Variants in SCFD2 observed in about 807,000 individuals in gnomAD.
SCFD2 encodes sec1 family domain containing 2, also known as sec1 family domain-containing protein 2.
SCFD2 carries 54 observed loss-of-function variants against 58.9 expected under a neutral mutation model. The observed-to-expected ratio is 0.92, with a 90% CI of 0.74 to 1.15. The LOEUF (loss-of-function observed/expected upper bound fraction) is 1.15, where lower values mean the gene tolerates loss of function less well. SCFD2 is among the 50% of genes most tolerant of loss of function. The pLI, the probability that SCFD2 is intolerant of heterozygous loss-of-function variation, is 0.00. For missense variants in SCFD2, 805 were observed against 836.6 expected (o/e 0.96, Z 0.47); for synonymous variants, 321 against 335.9 (o/e 0.96, Z 0.49).
chr4:53,329,040 G>T (rs1385793719), intron 2 of SCFD2, among the ~76,000 whole-genome samples: 3 of 152,106 alleles, frequency 2.0e-5, no homozygotes, highest in African/African-American at 4.8e-5. Flanking sequence ...TTCGGACCGG[G>T]TTAAAAAACG....
chr4:53,360,901 A>G (rs1477676104), intron 1 of SCFD2, among the ~76,000 whole-genome samples: 1 of 152,170 alleles, frequency 6.6e-6, no homozygotes, highest in Non-Finnish European at 1.5e-5. Context: ...CAGGCTCTTG[A>G]CAGGGTAGCT....
intron 1 of SCFD2, among the ~76,000 whole-genome samples, chr4:53,354,284 G>T (rs1196931616): frequency 6.6e-6 from 1 of 152,230 alleles, no homozygotes; most frequent in Non-Finnish European, 1.5e-5. Flanking sequence ...GGTGGGCTGG[G>T]AGTGCTGGGG....
intron 3 of SCFD2, among the ~76,000 whole-genome samples, chr4:53,278,539 A>T (rs1285038233): frequency 2.0e-5 from 3 of 152,018 alleles, no homozygotes; most frequent in African/African-American, 7.2e-5. Flanking sequence ...AAAAAAAAAA[A>T]AAAAGTCAAA....
At chr4:53,074,383 GCTTGGAATGAATGT>G (rs1167564907) in intron 5 of SCFD2, among the ~76,000 whole-genome samples, 7 of 152,086 alleles carry the variant, frequency 4.6e-5, no homozygotes, top group Admixed American at 3.9e-4. Flanking sequence ...TATCGATGAG[GCTTGGAATGAATGT>G]CTTCCAAACT....
At chr4:53,303,452 G>A (rs1235498646) in intron 3 of SCFD2, among the ~76,000 whole-genome samples, 12 of 152,190 alleles carry the variant, frequency 7.9e-5, no homozygotes, top group South Asian at 2.1e-4. Flanking sequence ...TCAGGAAACA[G>A]CACGTGCTGG....
chr4:53,222,959 T>C (rs1230744879), intron 4 of SCFD2, among the ~76,000 whole-genome samples: 2 of 152,004 alleles, frequency 1.3e-5, no homozygotes, highest in Non-Finnish European at 2.9e-5. Flanking sequence ...TTGTTTTCTT[T>C]CCCCCAAAAG....
At chr4:53,058,327 A>G (rs1429184586) in intron 5 of SCFD2, among the ~76,000 whole-genome samples, 3 of 152,152 alleles carry the variant, frequency 2.0e-5, no homozygotes, top group Admixed American at 2.0e-4. Flanking sequence ...GATTTGAATT[A>G]ATGTTATAGT....
At chr4:53,198,729 CA>C (rs1728137325) in intron 4 of SCFD2, among the ~76,000 whole-genome samples, 5 of 151,836 alleles carry the variant, frequency 3.3e-5, no homozygotes, top group Admixed American at 1.3e-4. Flanking sequence ...TAAGAACCCT[CA>C]TATGTATACT....
intron 5 of SCFD2, among the ~76,000 whole-genome samples, chr4:53,110,867 A>G (rs982419182): frequency 6.6e-6 from 1 of 152,182 alleles, no homozygotes. Context: ...AAATCATTCT[A>G]TGATAAAGAC....
intron 5 of SCFD2, among the ~76,000 whole-genome samples, chr4:53,090,505 T>C (rs1326601171): frequency 1.3e-5 from 2 of 152,140 alleles, no homozygotes; most frequent in African/African-American, 2.4e-5. Flanking sequence ...TAAATGAATA[T>C]GTGAAGAGAG....
intron 4 of SCFD2, among the ~76,000 whole-genome samples, chr4:53,246,774 G>A (rs1730089642): frequency 6.6e-6 from 1 of 152,104 alleles, no homozygotes; most frequent in Admixed American, 6.5e-5. Flanking sequence ...ACATCATTCT[G>A]GACGTAGGAA....
chr4:53,221,992 T>C (rs1729060196), intron 4 of SCFD2, among the ~76,000 whole-genome samples: 1 of 152,206 alleles, frequency 6.6e-6, no homozygotes, highest in Non-Finnish European at 1.5e-5. Context: ...TGACATTACT[T>C]TGAATGAGTC....
chr4:53,271,014 A>C (rs2149065364), intron 4 of SCFD2, among the ~76,000 whole-genome samples: 1 of 152,314 alleles, frequency 6.6e-6, no homozygotes, highest in Non-Finnish European at 1.5e-5. Flanking sequence ...AAGGCTCATA[A>C]GCCATCATTA....
Position 53,137,052 on chromosome 4 carries a change from C to G in SCFD2, c.1561+8281G>C, listed in dbSNP as rs147965788. The stretch of plus-strand genomic sequence containing the variant: ...GAGAAGTCTGTAATTGTAGCAAATA[C>G]AAGTTTCCTACCTAATGTACATTTT... On this transcript the variant is annotated intron_variant, in intron 5 of 8. Coordinates refer to ENST00000401642, the MANE Select transcript of SCFD2 (RefSeq NM_152540.4). Among the ~76,000 whole-genome samples the G allele has an allele frequency of 3.5e-3, 540 of 152,302 alleles. 5 individuals carry two copies. Among genetic ancestry groups the G allele is most frequent in the African/African-American group, 0.012 (510 of 41,570 alleles).
intron 4 of SCFD2, among the ~76,000 whole-genome samples, chr4:53,212,340 A>G (rs1728639517): frequency 6.6e-6 from 1 of 152,048 alleles, no homozygotes; most frequent in Non-Finnish European, 1.5e-5. Flanking sequence ...TGTAACTCTC[A>G]GAGCACCCAA....
chr4:53,177,914 C>T (rs757885817), intron 4 of SCFD2, among the ~76,000 whole-genome samples: 17 of 152,206 alleles, frequency 1.1e-4, no homozygotes, highest in Non-Finnish European at 1.9e-4. Flanking sequence ...TCTAGCACAG[C>T]AGTCTGAGAT....
At position 53,247,305 on chromosome 4, in the gene SCFD2, A is replaced by C. The variant is rs60298480; in HGVS notation, c.1311+26521T>G. Among the ~76,000 whole-genome samples the C allele has an allele frequency of 9.7e-3, 1,480 of 152,318 alleles. 23 individuals carry two copies. Among genetic ancestry groups the C allele is most frequent in the African/African-American group, 0.034 (1,398 of 41,562 alleles). ...GGAACACTTGTACACTGTAGGTGGG[A>C]GTGTAAATTCGTTCACGCAGTATGG... On this transcript the variant is annotated intron_variant, in intron 4 of 8. Coordinates refer to ENST00000401642, the MANE Select transcript of SCFD2 (RefSeq NM_152540.4).
intron 3 of SCFD2, among the ~76,000 whole-genome samples, chr4:53,284,843 T>C (rs1347914092): frequency 1.3e-5 from 2 of 152,168 alleles, no homozygotes; most frequent in Non-Finnish European, 2.9e-5. Flanking sequence ...GCCAACCATA[T>C]AGTGAAAGTT....
intron 7 of SCFD2, among the ~76,000 whole-genome samples, chr4:52,905,698 G>A (rs2109470071): frequency 6.6e-6 from 1 of 152,340 alleles, no homozygotes; most frequent in Non-Finnish European, 1.5e-5. Context: ...TGCTGCCCAG[G>A]ACGATTCTAA....
Sources: allele counts gnomAD v4.1 joint callset (sites outside exome capture counted in the v4.1 genomes callset), GRCh38; gene constraint gnomAD v4.1.1; transcripts MANE v1.5; gene names NCBI Gene and HGNC (gene_info 2026-07-23, HGNC 2026-07-21).